The following PSME4 variants were observed in gnomAD, a reference collection of about 807,000 sequenced individuals.
PSME4 encodes proteasome activator complex subunit 4.
In PSME4, 89 loss-of-function variants were observed where a neutral mutation model predicts 253.9. The observed-to-expected ratio is 0.35, with a 90% CI of 0.30 to 0.42. The LOEUF is 0.42. PSME4 is among the 10% of genes least tolerant of loss of function. The probability of loss-of-function intolerance (pLI) is 1.00; values close to 1 mark genes in which losing one functional copy is unlikely to be tolerated. For synonymous variants in PSME4, 851 were observed against 759.2 expected (o/e 1.12, Z -1.99); for missense variants, 2,014 against 2,195.2 (o/e 0.92, Z 1.65).
At chr2:53,967,823 G>C (rs1670816227) in intron 1 of PSME4, among the ~76,000 whole-genome samples, 1 of 151,910 alleles carries the variant, frequency 6.6e-6, no homozygotes, top group African/African-American at 2.4e-5. Context: ...TTTACACTTT[G>C]GTCTTTAGGA....
intron 43 of PSME4, 109 bp downstream of exon 43, chr2:53,874,229 AG>A: frequency 9.1e-7 from 1 of 1,096,556 alleles, no homozygotes; most frequent in South Asian, 1.6e-5. Context: ...CAAAGAGTTG[AG>A]GTTATAAATA....
At chr2:53,967,942 TA>T (rs1320603102) in intron 1 of PSME4, among the ~76,000 whole-genome samples, 2 of 151,944 alleles carry the variant, frequency 1.3e-5, no homozygotes, top group African/African-American at 4.8e-5. Context: ...ATTAAAAAAA[TA>T]AAACTGCAGA....
intron 1 of PSME4, among the ~76,000 whole-genome samples, chr2:53,956,213 C>G (rs968110419): frequency 6.6e-6 from 1 of 152,138 alleles, no homozygotes; most frequent in Non-Finnish European, 1.5e-5. Flanking sequence ...TTTCAAAACA[C>G]ATTTTCAGTT....
chr2:53,965,873 C>G (rs1670708132), intron 1 of PSME4, among the ~76,000 whole-genome samples: 1 of 151,840 alleles, frequency 6.6e-6, no homozygotes, highest in Non-Finnish European at 1.5e-5. Flanking sequence ...GGGGTTTCAC[C>G]ATGTTGGTGA....
intron 3 of PSME4, among the ~76,000 whole-genome samples, chr2:53,943,327 G>A (rs1017269720): frequency 6.6e-6 from 1 of 152,134 alleles, no homozygotes; most frequent in African/African-American, 2.4e-5. Context: ...TGTTTATACA[G>A]TATTTCTTTT....
At chr2:53,917,299 A>G (rs980211939) in intron 20 of PSME4, 15 of 163,080 alleles carry the variant, frequency 9.2e-5, no homozygotes, top group Non-Finnish European at 1.4e-4. Flanking sequence ...AGTAATATAA[A>G]CTAATAGTCT....
At chr2:53,949,938 A>C (rs1248997162) in intron 1 of PSME4, among the ~76,000 whole-genome samples, 1 of 152,160 alleles carries the variant, frequency 6.6e-6, no homozygotes, top group East Asian at 1.9e-4. Flanking sequence ...TTTTATATCT[A>C]TTCTCACTAT....
intron 20 of PSME4, among the ~76,000 whole-genome samples, chr2:53,912,265 G>C (rs1667859318): frequency 6.6e-6 from 1 of 152,128 alleles, no homozygotes; most frequent in African/African-American, 2.4e-5. Context: ...ACTTGAGTAT[G>C]AATGTATTTT....
At chr2:53,938,565 C>T (rs1669233583) in intron 4 of PSME4, among the ~76,000 whole-genome samples, 2 of 151,752 alleles carry the variant, frequency 1.3e-5, no homozygotes. Context: ...CCACCTCAGC[C>T]TCCCAAGTAG....
rs199596247 is a variant in PSME4, at chr2:53,937,577, T to G, written c.546-37A>C. On this transcript the variant is annotated intron_variant, in intron 4 of 46. Coordinates refer to ENST00000404125, the MANE Select transcript of PSME4 (RefSeq NM_014614.3). ...AGAAGGTTTTCATGTATCTGATTAT[T>G]GGCTAAAAGCTCTACAACAGCAATA... 5 of 1,589,904 alleles carry G rather than the reference T, an allele frequency of 3.1e-6. No individual in the cohort carries two copies. The African/African-American group carries it at 6.8e-5, about 22-fold the overall frequency.
At chr2:53,906,783 C>G (rs1235081911) in intron 25 of PSME4, 23 bp downstream of exon 25, 1 of 1,609,756 alleles carries the variant, frequency 6.2e-7, no homozygotes, top group South Asian at 1.1e-5. Context: ...TAAAAAGTCA[C>G]TATGACTGAA....
chr2:53,875,068 C>A (rs1197694769), intron 42 of PSME4, among the ~76,000 whole-genome samples: 1 of 152,200 alleles, frequency 6.6e-6, no homozygotes, highest in Non-Finnish European at 1.5e-5. Flanking sequence ...ACAGCAGGGT[C>A]TGGAAAGCAA....
At chr2:53,900,060 T>A (rs1469408333) in intron 28 of PSME4, 43 bp from the exon 29 acceptor site, 2 of 1,570,630 alleles carry the variant, frequency 1.3e-6, no homozygotes, top group African/African-American at 2.7e-5. Flanking sequence ...GAAGTTCTGA[T>A]GCATACTACC....
In PSME4 at chr2:53,921,635, G is replaced by A. The variant is rs1172589943; in HGVS notation, c.2047-531C>T. Among the ~76,000 whole-genome samples the A allele has an allele frequency of 3.4e-5, 5 of 145,648 alleles. No individual in the cohort carries two copies. In the South Asian group the frequency reaches 6.6e-4, roughly 19 times the overall value. On this transcript the variant is annotated intron_variant, in intron 17 of 46. Transcript: ENST00000404125. ...TGTAATCCCAGCACTTTGGGAGGCC[G>A]AGGCGGGCGGATCACGAGGTCAGGA...
intron 29 of PSME4, 119 bp from the exon 30 acceptor site, chr2:53,898,473 G>C: frequency 1.4e-6 from 1 of 717,036 alleles, no homozygotes; most frequent in South Asian, 2.4e-5. Context: ...CCCACCACCT[G>C]ACTGTAAACG....
intron 1 of PSME4, among the ~76,000 whole-genome samples, chr2:53,950,651 G>A (rs1669932630): frequency 6.6e-6 from 1 of 151,970 alleles, no homozygotes; most frequent in African/African-American, 2.4e-5. Flanking sequence ...AGACCAGCCT[G>A]ACCAACATGG....
intron 3 of PSME4, among the ~76,000 whole-genome samples, chr2:53,940,983 A>ATATATG (rs1669420873): frequency 2.5e-5 from 2 of 79,412 alleles, no homozygotes; most frequent in Non-Finnish European, 5.9e-5. Context: ...ATATATATAT[A>ATATATG]TATATATATA....
chr2:53,933,063 T>C (rs987858741), intron 8 of PSME4: 4 of 228,886 alleles, frequency 1.7e-5, no homozygotes, highest in Non-Finnish European at 2.6e-5. Flanking sequence ...ATAACCTGGA[T>C]ACTAAAATTT....
At chr2:53,899,497 T>C (rs770702921) in intron 29 of PSME4, among the ~76,000 whole-genome samples, 1 of 152,194 alleles carries the variant, frequency 6.6e-6, no homozygotes, top group African/African-American at 2.4e-5. Context: ...GCAGTTATGT[T>C]ATACATCTAT....
Sources: gnomAD v4.1 joint callset for allele counts (sites outside exome capture counted in the v4.1 genomes callset) on GRCh38, gnomAD v4.1.1 for gene constraint, MANE v1.5 for transcripts, NCBI Gene and HGNC (gene_info 2026-07-23, HGNC 2026-07-21) for gene names.